VEGFB: variants seen among roughly 807,000 people sequenced by gnomAD.
The protein encoded by VEGFB is VEGF-related factor.
A neutral mutation model predicts 22.5 loss-of-function variants in VEGFB; 24 were observed. That is an observed-to-expected ratio of 1.07 (90% CI 0.77 to 1.50). The LOEUF (loss-of-function observed/expected upper bound fraction) is 1.50, where lower values mean the gene tolerates loss of function less well. Among genes scored for constraint, VEGFB ranks in the 40% most tolerant of loss-of-function variants. VEGFB has a pLI of 0.00. For synonymous variants in VEGFB, 141 were observed against 117.4 expected (o/e 1.20, Z -1.30); for missense variants, 327 against 287.8 (o/e 1.14, Z -0.99).
intron 6 of VEGFB, 182 bp downstream of exon 6, chr11:64,237,837 A>G: frequency 1.7e-6 from 1 of 587,940 alleles, no homozygotes; most frequent in Non-Finnish European, 2.9e-6. Context: ...CCAACATTCT[A>G]ACTCAGGAGT....
At position 64,238,464 on chromosome 11, in the gene VEGFB, C is replaced by G; in HGVS notation, c.*131C>G. On this transcript the variant is annotated 3_prime_UTR_variant, in exon 7 of 7. Transcript: ENST00000309422. ...CAAAGAGGAGCCTGGTAAAAAACAGCCAAGCCCCCAAGACCTCAGCCCAGG... is the reference window on the plus strand; with the variant it reads ...CAAAGAGGAGCCTGGTAAAAAACAGGCAAGCCCCCAAGACCTCAGCCCAGG... 4 of 1,501,216 alleles carry G rather than the reference C, an allele frequency of 2.7e-6. No individual in the cohort carries two copies. Among genetic ancestry groups the G allele is most frequent in the Non-Finnish European group, 2.7e-6 (3 of 1,115,600 alleles). 93.0% of individuals were successfully genotyped at this position (1,501,216 alleles called of 1,614,324 possible).
chr11:64,238,045 G>A (rs1283055108), intron 6 of VEGFB: 2 of 522,488 alleles, frequency 3.8e-6, no homozygotes, highest in Non-Finnish European at 6.8e-6. Flanking sequence ...TTACCTACGG[G>A]CTTCAAGAGG....
In VEGFB at chr11:64,237,083, C is replaced by CGAGAGAGAGAGAGAGAGAGAG. The variant is rs1555056088; in HGVS notation, c.375-104_375-103insGAGAGAGAGAGAGAGAGAGAG. The CGAGAGAGAGAGAGAGAGAGAG allele has an allele frequency of 1.5e-5, 10 of 650,494 alleles. 1 individual carries two copies. Among genetic ancestry groups the CGAGAGAGAGAGAGAGAGAGAG allele is most frequent in the East Asian group, 6.9e-5 (1 of 14,492 alleles). The allele number at this position is 650,494 out of a possible 1,614,324, so 40.3% of individuals were successfully genotyped here. A position where few individuals can be genotyped will look rare whatever the true frequency, so the allele number is the denominator to read the frequency against. On this transcript the variant is annotated intron_variant, in intron 4 of 6. Transcript: ENST00000309422. ...GGGCAAGAAGAGGGAAACACAGTCTCAAAGAGAGAGAGAGAGAGAGAGAGA... is the reference window on the plus strand; with the variant it reads ...GGGCAAGAAGAGGGAAACACAGTCTCGAGAGAGAGAGAGAGAGAGAGAAAGAGAGAGAGAGAGAGAGAGAGA...
At chr11:64,235,756 C>T in intron 2 of VEGFB, 57 bp from the exon 3 acceptor site, 1 of 1,597,104 alleles carries the variant, frequency 6.3e-7, no homozygotes, top group Non-Finnish European at 8.6e-7. Context: ...AGGACAGATG[C>T]TGGGAGCAGC....
intron 3 of VEGFB, 22 bp from the exon 4 acceptor site, chr11:64,236,232 C>A: frequency 6.2e-7 from 1 of 1,612,864 alleles, no homozygotes; most frequent in Non-Finnish European, 8.5e-7. Flanking sequence ...CACTGTCCCC[C>A]CTGTTCTTCT....
chr11:64,235,522 C>T, intron 2 of VEGFB, 22 bp downstream of exon 2: 1 of 1,612,506 alleles, frequency 6.2e-7, no homozygotes, highest in Non-Finnish European at 8.5e-7. Flanking sequence ...AAAAACTCGG[C>T]ACTAGCCAGC....
In VEGFB at chr11:64,237,084, A is replaced by AG. The variant is rs1491442841; in HGVS notation, c.375-103_375-102insG. On this transcript the variant is annotated intron_variant, in intron 4 of 6. Coordinates refer to ENST00000309422, the MANE Select transcript of VEGFB (RefSeq NM_003377.5). ...GGCAAGAAGAGGGAAACACAGTCTC[A>AG]AAGAGAGAGAGAGAGAGAGAGAGAG... 6.2e-4 allele frequency: 270 copies of AG among 432,130 alleles called. 35 individuals carry two copies. Among genetic ancestry groups the AG allele is most frequent in the East Asian group, 2.8e-3 (51 of 17,976 alleles). 26.8% of individuals were successfully genotyped at this position (432,130 alleles called of 1,614,324 possible).
chr11:64,239,233 T>C lies in VEGFB; in HGVS notation c.*900T>C, dbSNP rs758691329. Among the ~76,000 whole-genome samples the C allele has an allele frequency of 1.1e-4, 16 of 152,100 alleles. No homozygotes were observed. Among genetic ancestry groups the C allele is most frequent in the Non-Finnish European group, 2.1e-4 (14 of 68,008 alleles). The stretch of plus-strand genomic sequence containing the variant: ...GAAGTTTGAGACTATCTTTACGTAA[T>C]AGAAAAGAACACTTGTTCTTCCTGC... On this transcript the variant is annotated 3_prime_UTR_variant, in exon 7 of 7. Transcript: ENST00000309422.
At chr11:64,236,921 A>C (rs551924353) in intron 4 of VEGFB, among the ~76,000 whole-genome samples, 2 of 147,916 alleles carry the variant, frequency 1.4e-5, no homozygotes, top group African/African-American at 4.9e-5. Flanking sequence ...TCTACTAAAA[A>C]AAAATACAAA....
At chr11:64,237,350 C>A in intron 5 of VEGFB, 70 bp from the exon 6 acceptor site, 1 of 1,522,306 alleles carries the variant, frequency 6.6e-7, no homozygotes, top group South Asian at 1.2e-5. Flanking sequence ...AGCCTGTGTT[C>A]TCTGCCCCGA....
rs147883767 is a variant in VEGFB at position 64,237,185 on chromosome 11, A to G, written c.375-2A>G. 5.2e-5 allele frequency: 84 copies of G among 1,603,682 alleles called. No homozygotes were observed. Among genetic ancestry groups the G allele is most frequent in the Non-Finnish European group, 7.0e-5 (82 of 1,174,156 alleles). On this transcript the variant is annotated splice_acceptor_variant, in intron 4 of 6. Transcript: ENST00000309422. LOFTEE classifies it high-confidence loss of function. The stretch of plus-strand genomic sequence containing the variant: ...TCTGTGTCTGTCTATCTTACTTTTC[A>G]GACCTAAAAAAAAGGACAGTGCTGT...
In VEGFB at chr11:64,237,553, A is replaced by T. The variant is rs1565318649; in HGVS notation, c.544A>T (p.Thr182Ser). The T allele has an allele frequency of 6.2e-7, 1 of 1,603,638 alleles. No individual in the cohort carries two copies. The highest frequency in any genetic ancestry group is 1.3e-5 in the African/African-American group (1 of 74,788). ...PGPSAHAAPS[T>S]TSALTPGPAA... Reference sequence around the variant, plus strand: ...CCCCTCTGCCCACGCTGCACCCAGCACCACCAGCGCCCTGACCCCCGGACC... The same window carrying T: ...CCCCTCTGCCCACGCTGCACCCAGCTCCACCAGCGCCCTGACCCCCGGACC... The change falls in exon 6 of 7, where the codon ACC (threonine) becomes TCC (serine). Residue 182 changes from threonine to serine, a missense_variant. Coordinates refer to ENST00000309422, the MANE Select transcript of VEGFB (RefSeq NM_003377.5).
At chr11:64,235,409 C>T (rs1180684820) in intron 1 of VEGFB, 49 bp from the exon 2 acceptor site, 4 of 1,583,642 alleles carry the variant, frequency 2.5e-6, no homozygotes, top group Non-Finnish European at 3.5e-6. Flanking sequence ...GTGACAGGGC[C>T]ACACCCTCCT....
chr11:64,236,805 G>A (rs972946951), intron 4 of VEGFB, among the ~76,000 whole-genome samples: 5 of 148,812 alleles, frequency 3.4e-5, no homozygotes, highest in African/African-American at 9.8e-5. Context: ...TGGGCCGGGG[G>A]TAGTGGCTCA....
rs111565210 is a variant in VEGFB, at chr11:64,236,162, C to T, written c.301-92C>T. ...GGGGGAGGGCTGGTGGCCAGCCTCC[C>T]GGCTGTTGGGTGAGCTTTTCTCCCT... On this transcript the variant is annotated intron_variant, in intron 3 of 6. Transcript: ENST00000309422. 53 of 1,549,770 alleles carry T rather than the reference C, an allele frequency of 3.4e-5. No individual in the cohort carries two copies. In the Admixed American group the frequency reaches 3.6e-4, roughly 11 times the overall value.
Position 64,234,828 on chromosome 11 carries a change from G to A in VEGFB, c.-6G>A. ...GCGCCCCCGGCGGGCGGCCCCGGCGGGCACCATGAGCCCTCTGCTCCGCCG... is the reference window on the plus strand; with the variant it reads ...GCGCCCCCGGCGGGCGGCCCCGGCGAGCACCATGAGCCCTCTGCTCCGCCG... On this transcript the variant is annotated 5_prime_UTR_variant, in exon 1 of 7. Transcript: ENST00000309422. The surrounding 1 kb of genome is among the most constrained non-coding windows in gnomAD (Gnocchi z 5.3). 1 of 1,194,676 alleles carries A rather than the reference G, an allele frequency of 8.4e-7. No individual in the cohort carries two copies. The allele number at this position is 1,194,676 out of a possible 1,614,324, so 74.0% of individuals were successfully genotyped here. A position where few individuals can be genotyped will look rare whatever the true frequency, so the allele number is the denominator to read the frequency against.
In VEGFB at chr11:64,237,210, T is replaced by G. The variant is rs2030160802; in HGVS notation, c.398T>G (p.Val133Gly). 1.9e-6 allele frequency: 3 copies of G among 1,609,312 alleles called. No individual in the cohort carries two copies. The highest frequency in any genetic ancestry group is 2.7e-5 in the African/African-American group (2 of 74,868). Reference sequence around the variant, plus strand: ...AGACCTAAAAAAAAGGACAGTGCTGTGAAGCCAGACAGGTGAGTCTTTTGG... The same window carrying G: ...AGACCTAAAAAAAAGGACAGTGCTGGGAAGCCAGACAGGTGAGTCTTTTGG... Reference protein sequence around the residue: ...ECRPKKKDSAVKPDRAATPHH... With the variant: ...ECRPKKKDSAGKPDRAATPHH... The change falls in exon 5 of 7, where the codon GTG becomes GGG. Residue 133 changes from valine to glycine, a missense_variant. Val to Gly is a moderately radical substitution (Grantham distance 109). Transcript: ENST00000309422.
In VEGFB at chr11:64,234,616, G is replaced by GCCGC. The variant is rs1186074595; in HGVS notation, c.-206_-203dup. The GCCGC allele has an allele frequency of 1.4e-5, 2 of 141,406 alleles. No individual in the cohort carries two copies. Among genetic ancestry groups the GCCGC allele is most frequent in the Admixed American group, 1.4e-4 (2 of 14,280 alleles). 8.8% of individuals were successfully genotyped at this position (141,406 alleles called of 1,614,324 possible). A position where few individuals can be genotyped will look rare whatever the true frequency, so the allele number is the denominator to read the frequency against. Reference sequence around the variant, plus strand: ...CCGCCGCCGCTGCCCGCCGCCACCGGCCGCCCGCCCGCCCGGCTCCTCCGG... The same window carrying GCCGC: ...CCGCCGCCGCTGCCCGCCGCCACCGGCCGCCCGCCCGCCCGCCCGGCTCCTCCGG... On this transcript the variant is annotated 5_prime_UTR_variant, in exon 1 of 7. Coordinates refer to ENST00000309422, the MANE Select transcript of VEGFB (RefSeq NM_003377.5). The surrounding 1 kb of genome is among the most constrained non-coding windows in gnomAD (Gnocchi z 5.3).
chr11:64,235,413 C>G (rs753015549), intron 1 of VEGFB, 45 bp from the exon 2 acceptor site: 5 of 1,596,156 alleles, frequency 3.1e-6, no homozygotes, highest in Non-Finnish European at 4.3e-6. Flanking sequence ...CAGGGCCACA[C>G]CCTCCTAAAG....
Sources: gnomAD v4.1 joint callset for allele counts (sites outside exome capture counted in the v4.1 genomes callset) on GRCh38, gnomAD v4.1.1 for gene constraint, Gnocchi (gnomAD v3.1) non-coding constraint, MANE v1.5 for transcripts, NCBI Gene and HGNC (gene_info 2026-07-23, HGNC 2026-07-21) for gene names.